TENM3: variants seen among roughly 807,000 people sequenced by gnomAD.
TENM3 encodes the protein teneurin transmembrane protein 3.
Under a neutral mutation model 255.1 loss-of-function variants are expected in TENM3, and 63 were observed. The ratio of observed to expected loss-of-function variants is 0.25; its 90% confidence interval spans 0.20 to 0.30. The LOEUF is 0.30. Among genes scored for constraint, TENM3 ranks in the 10% least tolerant of loss-of-function variants. The pLI is 1.00. For synonymous variants in TENM3, 1,306 were observed against 1,322.3 expected (o/e 0.99, Z 0.27); for missense variants, 2,929 against 3,461.1 (o/e 0.85, Z 3.86).
At chr4:181,884,947 TG>T in the TENM3 span, among the ~76,000 whole-genome samples, 3 of 152,188 alleles carry the variant, frequency 2.0e-5, no homozygotes, top group Non-Finnish European at 4.4e-5. Context: ...TTTTTGGAAA[TG>T]TTTTTATGGA....
chr4:182,471,627 C>CTGTGTGTG (rs35316767), intron 3 of TENM3, among the ~76,000 whole-genome samples: 20 of 149,722 alleles, frequency 1.3e-4, no homozygotes, highest in Non-Finnish European at 2.2e-4. Flanking sequence ...GCACATGCCT[C>CTGTGTGTG]TGTGTGTGTG....
At chr4:181,801,238 TTTTG>T in the TENM3 span, among the ~76,000 whole-genome samples, 1 of 49,776 alleles carries the variant, frequency 2.0e-5, no homozygotes, top group African/African-American at 4.9e-5. Context: ...TTTTTCTGTT[TTTTG>T]TTTGTTTGCT....
the TENM3 span, among the ~76,000 whole-genome samples, chr4:181,574,069 C>T: frequency 6.6e-6 from 1 of 152,086 alleles, no homozygotes; most frequent in Non-Finnish European, 1.5e-5. Flanking sequence ...TGAAACTCCC[C>T]GAAGATTTAA....
At chr4:182,039,342 G>T in the TENM3 span, among the ~76,000 whole-genome samples, 1 of 152,158 alleles carries the variant, frequency 6.6e-6, no homozygotes, top group South Asian at 2.1e-4. Context: ...GCGTCAGGAT[G>T]TCGCATCTGT....
At chr4:182,676,357 A>G (rs1755661649) in intron 7 of TENM3, among the ~76,000 whole-genome samples, 1 of 152,206 alleles carries the variant, frequency 6.6e-6, no homozygotes, top group Non-Finnish European at 1.5e-5. Context: ...CTGTTGTCGA[A>G]TAGGAGTTGG....
chr4:181,957,214 C>G, the TENM3 span, among the ~76,000 whole-genome samples: 2 of 152,140 alleles, frequency 1.3e-5, no homozygotes, highest in Non-Finnish European at 2.9e-5. Flanking sequence ...TTTATTTTGT[C>G]TCTCGGCCAT....
the TENM3 span, among the ~76,000 whole-genome samples, chr4:182,031,865 A>G: frequency 6.6e-6 from 1 of 151,956 alleles, no homozygotes; most frequent in Admixed American, 6.6e-5. Context: ...TATATTGCTG[A>G]TGTGTAGGAA....
At chr4:182,101,444 G>A in the TENM3 span, among the ~76,000 whole-genome samples, 1 of 152,080 alleles carries the variant, frequency 6.6e-6, no homozygotes, top group Non-Finnish European at 1.5e-5. Context: ...CTTTTCCATG[G>A]CATCTCGCCC....
chr4:182,598,310 G>A (rs1747479548), intron 3 of TENM3, among the ~76,000 whole-genome samples: 1 of 152,038 alleles, frequency 6.6e-6, no homozygotes, highest in Non-Finnish European at 1.5e-5. Context: ...TGTTTTATTG[G>A]TAGGCCTCCT....
the TENM3 span, among the ~76,000 whole-genome samples, chr4:181,458,151 T>G: frequency 6.6e-6 from 1 of 151,918 alleles, no homozygotes; most frequent in East Asian, 1.9e-4. Flanking sequence ...TCCTCATATA[T>G]AGTGTTAGCT....
chr4:182,223,879 T>C (rs1452518905), intron 1 of TENM3, among the ~76,000 whole-genome samples: 1 of 151,722 alleles, frequency 6.6e-6, no homozygotes, highest in Non-Finnish European at 1.5e-5. Flanking sequence ...CGTGTGTGAC[T>C]AAAAGCAGTG....
At chr4:181,878,058 T>C in the TENM3 span, among the ~76,000 whole-genome samples, 2 of 152,132 alleles carry the variant, frequency 1.3e-5, no homozygotes, top group Non-Finnish European at 2.9e-5. Context: ...ACTCACTGGG[T>C]GGATCTATTG....
chr4:182,230,521 A>G (rs1756489785), intron 1 of TENM3, among the ~76,000 whole-genome samples: 1 of 151,990 alleles, frequency 6.6e-6, no homozygotes, highest in African/African-American at 2.4e-5. Context: ...TGCTTGCAAT[A>G]GAGCAGTGAC....
intron 11 of TENM3, among the ~76,000 whole-genome samples, chr4:182,684,527 A>T (rs1215338353): frequency 2.6e-5 from 4 of 151,048 alleles, no homozygotes; most frequent in African/African-American, 4.9e-5. Context: ...CTGTTTCTTT[A>T]TATGTAAAAT....
the TENM3 span, among the ~76,000 whole-genome samples, chr4:181,790,760 T>A: frequency 1.4e-4 from 22 of 152,330 alleles, no homozygotes; most frequent in South Asian, 3.5e-3. Context: ...TAAACTGGAC[T>A]GTATTCTTCT....
At chr4:182,300,594 G>A (rs960378394) in intron 1 of TENM3, among the ~76,000 whole-genome samples, 1 of 152,212 alleles carries the variant, frequency 6.6e-6, no homozygotes, top group Non-Finnish European at 1.5e-5. Context: ...CCACTCCAGT[G>A]AAGCTGAGAT....
intron 1 of TENM3, among the ~76,000 whole-genome samples, chr4:182,322,830 G>T (rs558385363): frequency 6.6e-6 from 1 of 152,060 alleles, no homozygotes. Flanking sequence ...CAGCGGTCAC[G>T]GCCAAAGGAT....
At chr4:181,651,079 T>C in the TENM3 span, among the ~76,000 whole-genome samples, 2 of 152,336 alleles carry the variant, frequency 1.3e-5, no homozygotes, top group East Asian at 3.9e-4. Context: ...GTTACTGAAA[T>C]TTTGGGAATA....
chr4:181,907,606 G>A, the TENM3 span, among the ~76,000 whole-genome samples: 1 of 152,044 alleles, frequency 6.6e-6, no homozygotes, highest in Admixed American at 6.6e-5. Flanking sequence ...AGGGAGAGAA[G>A]GTGACCTGAG....
Sources: allele counts gnomAD v4.1 joint callset (sites outside exome capture counted in the v4.1 genomes callset), GRCh38; gene constraint gnomAD v4.1.1; transcripts MANE v1.5; gene names NCBI Gene and HGNC (gene_info 2026-07-23, HGNC 2026-07-21).